The following DPP10 variants were observed in gnomAD, a reference collection of about 807,000 sequenced individuals.
DPP10 encodes the protein dipeptidyl peptidase like 10, also known as inactive dipeptidyl peptidase 10.
In DPP10, 33 loss-of-function variants were observed where a neutral mutation model predicts 120.9. The ratio of observed to expected loss-of-function variants is 0.27; its 90% CI spans 0.21 to 0.37. DPP10 has a LOEUF of 0.37. DPP10 is among the 10% of genes least tolerant of loss of function. The pLI, the probability that DPP10 is intolerant of heterozygous loss-of-function variation, is 1.00. For synonymous variants in DPP10, 337 were observed against 326.1 expected, an observed-to-expected ratio of 1.03 and a Z score of -0.36; for missense variants, 816 against 942.8, an observed-to-expected ratio of 0.87 and a Z score of 1.76.
At chr2:114,678,159 C>T (rs577168502) in intron 1 of DPP10, among the ~76,000 whole-genome samples, 2 of 152,046 alleles carry the variant, frequency 1.3e-5, no homozygotes, top group East Asian at 3.9e-4. Context: ...TTTTTCTATT[C>T]CAAGTAGTAG....
rs544328770 is a variant in DPP10, at chr2:114,897,266, G to A, written c.61-411973G>A. On this transcript the variant is annotated intron_variant, in intron 1 of 25. Transcript: ENST00000410059. ...CTGGCCTCATAAAATGAGTTAGGGA[G>A]GATTCCCTCTTTTTCTATTTATTGG... 2.1e-3 allele frequency among the ~76,000 whole-genome samples: 322 copies of A among 152,248 alleles called. 1 individual carries two copies. Among genetic ancestry groups the A allele is most frequent in the Non-Finnish European group, 3.5e-3 (239 of 68,022 alleles).
At chr2:115,806,046 A>G (rs953506158) in intron 19 of DPP10, among the ~76,000 whole-genome samples, 2 of 152,224 alleles carry the variant, frequency 1.3e-5, no homozygotes, top group African/African-American at 4.8e-5. Flanking sequence ...AATGTGCCAT[A>G]CAAGCTTTTA....
chr2:114,709,931 A>G (rs960163798), intron 1 of DPP10, among the ~76,000 whole-genome samples: 1 of 152,242 alleles, frequency 6.6e-6, no homozygotes, highest in Non-Finnish European at 1.5e-5. Context: ...TTTCATGCAG[A>G]GAAAGAAAGA....
chr2:114,676,729 G>T (rs1268525134), intron 1 of DPP10, among the ~76,000 whole-genome samples: 1 of 151,992 alleles, frequency 6.6e-6, no homozygotes, highest in African/African-American at 2.4e-5. Flanking sequence ...TGAGTAGAAA[G>T]TCTGCAGCCT....
At chr2:114,994,648 T>C (rs1028761364) in intron 1 of DPP10, among the ~76,000 whole-genome samples, 2 of 152,242 alleles carry the variant, frequency 1.3e-5, no homozygotes, top group African/African-American at 4.8e-5. Context: ...CTTGACATAC[T>C]GTCATGTGCT....
Position 115,397,315 on chromosome 2 carries a change from G to A in DPP10, c.271+53403G>A, listed in dbSNP as rs536326808. ...TGTGAACAAATCAATTAAAAACCTA[G>A]GCATTGTTATATTTATTTGCATCTT... On this transcript the variant is annotated intron_variant, in intron 3 of 25. Transcript: ENST00000410059. Among the ~76,000 whole-genome samples the A allele has an allele frequency of 2.6e-5, 4 of 152,166 alleles. No individual in the cohort carries two copies. In the East Asian group the frequency reaches 5.8e-4, roughly 22 times the overall value.
Position 115,690,096 on chromosome 2 carries a change from G to C in DPP10, c.576+175G>C, listed in dbSNP as rs180707302. Among the ~76,000 whole-genome samples, 585 of 152,134 alleles carry C rather than the reference G, an allele frequency of 3.8e-3. 3 individuals carry two copies. Among genetic ancestry groups the C allele is most frequent in the Admixed American group, 7.3e-3 (111 of 15,288 alleles). On this transcript the variant is annotated intron_variant, in intron 7 of 25. Coordinates refer to ENST00000410059, the MANE Select transcript of DPP10 (RefSeq NM_020868.6). ...CTTAAGAATACATTAAATGATACTAGTATTATTTTATCAGTTAATAAAGAC... is the reference window on the plus strand; with the variant it reads ...CTTAAGAATACATTAAATGATACTACTATTATTTTATCAGTTAATAAAGAC...
At chr2:114,572,854 T>C (rs1387254078) in intron 1 of DPP10, among the ~76,000 whole-genome samples, 1 of 152,244 alleles carries the variant, frequency 6.6e-6, no homozygotes, top group Non-Finnish European at 1.5e-5. Flanking sequence ...TCACAGCTTT[T>C]AGAAGCAAAG....
At chr2:115,351,071 G>C (rs542327166) in intron 3 of DPP10, among the ~76,000 whole-genome samples, 1 of 152,054 alleles carries the variant, frequency 6.6e-6, no homozygotes, top group Non-Finnish European at 1.5e-5. Flanking sequence ...CCATACATTT[G>C]CATGTTCTTT....
At chr2:115,259,873 TCTTTA>T (rs1293247360) in intron 1 of DPP10, among the ~76,000 whole-genome samples, 1 of 152,146 alleles carries the variant, frequency 6.6e-6, no homozygotes, top group African/African-American at 2.4e-5. Flanking sequence ...TGTGCATTTT[TCTTTA>T]CTTACAAATG....
intron 1 of DPP10, among the ~76,000 whole-genome samples, chr2:114,890,813 A>G (rs1170647258): frequency 6.6e-6 from 1 of 152,226 alleles, no homozygotes; most frequent in East Asian, 1.9e-4. Flanking sequence ...GCAGGGTACA[A>G]TATAGCCAAA....
chr2:115,120,082 A>T, intron 1 of DPP10, among the ~76,000 whole-genome samples: 1 of 152,212 alleles, frequency 6.6e-6, no homozygotes. Context: ...AGGTCTTGAC[A>T]ATTTTGGAGG....
intron 1 of DPP10, among the ~76,000 whole-genome samples, chr2:114,843,847 A>G (rs1162202104): frequency 3.3e-5 from 5 of 152,124 alleles, no homozygotes; most frequent in Admixed American, 6.6e-5. Context: ...TACCATTACA[A>G]TGTCTGGCTT....
chr2:114,706,479 T>C (rs1700691701), intron 1 of DPP10, among the ~76,000 whole-genome samples: 1 of 152,212 alleles, frequency 6.6e-6, no homozygotes, highest in East Asian at 1.9e-4. Flanking sequence ...TGGGTGATTT[T>C]GGTAACACTT....
At position 115,817,321 on chromosome 2, in the gene DPP10, C is replaced by G. The variant is rs564104234; in HGVS notation, c.1950+1592C>G. ...TTTTAGTTTACAAATAAAGCAAATT[C>G]TTGGTGTTCATGGATTTAAACATAT... On this transcript the variant is annotated intron_variant, in intron 21 of 25. Transcript: ENST00000410059. Among the ~76,000 whole-genome samples, 86 of 152,234 alleles carry G rather than the reference C, an allele frequency of 5.6e-4. 2 individuals carry two copies. Among genetic ancestry groups the G allele is most frequent in the African/African-American group, 2.0e-3 (83 of 41,544 alleles).
At chr2:115,081,527 T>C (rs1708273804) in intron 1 of DPP10, among the ~76,000 whole-genome samples, 1 of 152,226 alleles carries the variant, frequency 6.6e-6, no homozygotes, top group Non-Finnish European at 1.5e-5. Context: ...GTCCTTCATT[T>C]ATTTACACCT....
intron 3 of DPP10, among the ~76,000 whole-genome samples, chr2:115,483,480 T>TATCTATCTATATCTGTATGG (rs2075573112): frequency 2.0e-4 from 1 of 5,090 alleles, no homozygotes; most frequent in Admixed American, 3.6e-3. Context: ...TCTATCTATC[T>TATCTATCTATATCTGTATGG]GTATGTGTAT....
chr2:114,461,881 A>T, intron 1 of DPP10: 2 of 985,476 alleles, frequency 2.0e-6, no homozygotes, highest in Non-Finnish European at 2.4e-6. Flanking sequence ...AAAAAGAGAC[A>T]GGTGGAGAGA....
intron 1 of DPP10, among the ~76,000 whole-genome samples, chr2:115,223,894 A>G (rs2057304472): frequency 6.6e-6 from 1 of 152,172 alleles, no homozygotes; most frequent in Non-Finnish European, 1.5e-5. Flanking sequence ...ATAAATCATG[A>G]TATATCAATA....
Sources: allele counts gnomAD v4.1 joint callset (sites outside exome capture counted in the v4.1 genomes callset), GRCh38; gene constraint gnomAD v4.1.1; transcripts MANE v1.5; gene names NCBI Gene and HGNC (gene_info 2026-07-23, HGNC 2026-07-21).